The following MMP26 variants were observed in gnomAD, a reference collection of about 807,000 sequenced individuals.
The protein encoded by MMP26 is matrix metalloproteinase-26.
Under a neutral mutation model 31.0 loss-of-function variants are expected in MMP26, and 33 were observed. That is an observed-to-expected ratio of 1.06 (90% CI 0.81 to 1.42). The LOEUF is 1.42. Ranked by LOEUF, MMP26 falls within the 40% of genes most tolerant of loss-of-function variation. MMP26 has a pLI of 0.00. For synonymous variants in MMP26, 122 were observed against 114.9 expected (o/e 1.06, Z -0.40); for missense variants, 347 against 316.1 (o/e 1.10, Z -0.74).
At chr11:4,885,178 T>C (rs1476639615) in intron 2 of MMP26, among the ~76,000 whole-genome samples, 2 of 152,170 alleles carry the variant, frequency 1.3e-5, no homozygotes, top group Non-Finnish European at 2.9e-5. Flanking sequence ...TTTTGTTATT[T>C]TATGCAATGT....
At chr11:4,967,907 T>C (rs977701697) in intron 2 of MMP26, among the ~76,000 whole-genome samples, 11 of 152,190 alleles carry the variant, frequency 7.2e-5, no homozygotes, top group African/African-American at 2.7e-4. Context: ...ACTTACATAT[T>C]GCTTGAGAGA....
At chr11:4,859,942 G>T in intron 2 of MMP26, 1 of 471,142 alleles carries the variant, frequency 2.1e-6, no homozygotes, top group Middle Eastern at 3.3e-4. Context: ...GAGCCCCAGT[G>T]TGAAGATGAC....
chr11:4,904,762 A>C (rs930558117), intron 2 of MMP26, among the ~76,000 whole-genome samples: 1 of 151,832 alleles, frequency 6.6e-6, no homozygotes, highest in African/African-American at 2.4e-5. Context: ...CCAGAGAAAA[A>C]AAGGGAGAAA....
intron 2 of MMP26, chr11:4,946,899 A>G (rs1422710218): frequency 1.2e-6 from 2 of 1,606,858 alleles, no homozygotes; most frequent in South Asian, 1.1e-5. Flanking sequence ...GACATAGCCA[A>G]CATGGAAAGA....
At chr11:4,905,135 C>G (rs10500630) in intron 2 of MMP26, among the ~76,000 whole-genome samples, 36,102 of 151,996 alleles carry the variant, frequency 0.24, 4,697 homozygotes, top group East Asian at 0.56. Context: ...TGACTACTGA[C>G]ATGGGATCAG....
At chr11:4,959,772 C>T (rs1319250013) in intron 2 of MMP26, among the ~76,000 whole-genome samples, 1 of 152,158 alleles carries the variant, frequency 6.6e-6, no homozygotes, top group Non-Finnish European at 1.5e-5. Flanking sequence ...TGCATATAAT[C>T]AGCCCTAACT....
At chr11:4,786,320 C>T (rs1250392008) in intron 2 of MMP26, among the ~76,000 whole-genome samples, 1 of 152,082 alleles carries the variant, frequency 6.6e-6, no homozygotes, top group Admixed American at 6.6e-5. Flanking sequence ...TAATGCCAAT[C>T]CTCCCTCCAA....
chr11:4,727,952 C>A (rs1848125079), intron 1 of MMP26, among the ~76,000 whole-genome samples: 1 of 152,152 alleles, frequency 6.6e-6, no homozygotes, highest in Admixed American at 6.5e-5. Context: ...CACAACACTG[C>A]TGAGTGTAAG....
intron 2 of MMP26, among the ~76,000 whole-genome samples, chr11:4,933,760 T>A (rs1851389009): frequency 7.3e-6 from 1 of 136,198 alleles, no homozygotes; most frequent in African/African-American, 2.8e-5. Flanking sequence ...AGTGTGATAT[T>A]CCCCTTCCTG....
intron 2 of MMP26, among the ~76,000 whole-genome samples, chr11:4,873,565 A>G (rs530646445): frequency 1.6e-4 from 24 of 152,246 alleles, no homozygotes; most frequent in African/African-American, 5.5e-4. Context: ...ATCAAAATAT[A>G]TAAATAATAT....
chr11:4,888,450 TA>T (rs1850573093), intron 2 of MMP26, among the ~76,000 whole-genome samples: 3 of 152,158 alleles, frequency 2.0e-5, no homozygotes, highest in Admixed American at 2.0e-4. Context: ...GATAGTAATT[TA>T]AAATATCAAA....
intron 2 of MMP26, among the ~76,000 whole-genome samples, chr11:4,804,868 G>A (rs1329946888): frequency 1.3e-5 from 2 of 151,664 alleles, no homozygotes; most frequent in Non-Finnish European, 2.9e-5. Flanking sequence ...TACTCAGGAG[G>A]CTGAGGAAGG....
At chr11:4,882,091 C>A in intron 2 of MMP26, 1 of 1,613,974 alleles carries the variant, frequency 6.2e-7, no homozygotes, top group Non-Finnish European at 8.5e-7. Context: ...TGTATTATTT[C>A]CTCTCCATGC....
chr11:4,878,555 C>A (rs1296083268), intron 2 of MMP26, among the ~76,000 whole-genome samples: 1 of 152,084 alleles, frequency 6.6e-6, no homozygotes. Context: ...GCTTTTCTGA[C>A]TTGTGCTTAA....
intron 2 of MMP26, among the ~76,000 whole-genome samples, chr11:4,895,066 C>CTAA (rs1296826103): frequency 6.6e-6 from 1 of 152,054 alleles, no homozygotes; most frequent in East Asian, 1.9e-4. Flanking sequence ...TAAAAAGGGA[C>CTAA]TAATGCATTT....
chr11:4,800,277 C>T (rs1316065080), intron 2 of MMP26, among the ~76,000 whole-genome samples: 1 of 152,230 alleles, frequency 6.6e-6, no homozygotes, highest in Non-Finnish European at 1.5e-5. Context: ...CTGCAAGCCT[C>T]CTTCATGCTT....
intron 2 of MMP26, among the ~76,000 whole-genome samples, chr11:4,892,582 AATC>A (rs1453364715): frequency 1.3e-5 from 2 of 152,212 alleles, no homozygotes; most frequent in Admixed American, 1.3e-4. Flanking sequence ...GCACACATCC[AATC>A]ATTATTAATT....
chr11:4,866,092 T>C (rs887825979), intron 2 of MMP26, among the ~76,000 whole-genome samples: 7 of 152,110 alleles, frequency 4.6e-5, no homozygotes, highest in Non-Finnish European at 1.5e-5. Context: ...TGCCTCAATA[T>C]TGGCATACCA....
intron 2 of MMP26, chr11:4,769,818 A>C (rs772938781): frequency 9.3e-6 from 15 of 1,613,118 alleles, no homozygotes. Flanking sequence ...TAAAAACAAC[A>C]GAAAGGAATG....
Sources: allele counts gnomAD v4.1 joint callset (sites outside exome capture counted in the v4.1 genomes callset), GRCh38; gene constraint gnomAD v4.1.1; transcripts MANE v1.5; gene names NCBI Gene and HGNC (gene_info 2026-07-23, HGNC 2026-07-21).